TMEM40: variants seen among roughly 807,000 people sequenced by gnomAD.
TMEM40 encodes transmembrane protein 40.
Under a neutral mutation model 40.8 loss-of-function variants are expected in TMEM40, and 34 were observed. The observed-to-expected ratio is 0.83, with a 90% CI of 0.63 to 1.11. TMEM40 has a LOEUF of 1.11. Ranked by LOEUF, TMEM40 falls within the 50% of genes least tolerant of loss-of-function variation. The pLI is 0.00. For missense variants in TMEM40, 296 were observed against 280.2 expected (o/e 1.06, Z -0.40); for synonymous variants, 106 against 107.0 (o/e 0.99, Z 0.06).
chr3:12,736,953 A>G, intron 8 of TMEM40, 118 bp from the exon 9 acceptor site: 1 of 1,287,584 alleles, frequency 7.8e-7, no homozygotes, highest in African/African-American at 1.5e-5. Flanking sequence ...ATCCCAGCTC[A>G]TTGCAGCCTT....
chr3:12,733,863 T>A lies in TMEM40; in HGVS notation c.*911A>T, dbSNP rs926828928. On this transcript the variant is annotated 3_prime_UTR_variant, in exon 12 of 12. Transcript: ENST00000314124. Reference sequence around the variant, plus strand: ...TAGCCATTCCACATATTTCAAAACATGTTGTACACTACAAATACATGCAAT... The same window carrying A: ...TAGCCATTCCACATATTTCAAAACAAGTTGTACACTACAAATACATGCAAT... 3.3e-5 allele frequency: 5 copies of A among 152,072 alleles called. No homozygotes were observed. Among genetic ancestry groups the A allele is most frequent in the Non-Finnish European group, 4.4e-5 (3 of 68,022 alleles). 9.4% of individuals were successfully genotyped at this position (152,072 alleles called of 1,614,324 possible). A position where few individuals can be genotyped will look rare whatever the true frequency, so the allele number is the denominator to read the frequency against.
intron 1 of TMEM40, among the ~76,000 whole-genome samples, chr3:12,750,449 G>A (rs187784175): frequency 1.3e-5 from 2 of 152,300 alleles, no homozygotes; most frequent in African/African-American, 2.4e-5. Flanking sequence ...CAGGAAAGAA[G>A]TTTCTTTTAA....
intron 3 of TMEM40, among the ~76,000 whole-genome samples, chr3:12,745,058 A>T (rs1226350149): frequency 6.6e-6 from 1 of 152,076 alleles, no homozygotes; most frequent in Non-Finnish European, 1.5e-5. Context: ...TAAAGTAAAA[A>T]TTATTCCAAT....
chr3:12,762,873 T>C (rs1383417307), upstream of TMEM40, among the ~76,000 whole-genome samples: 1 of 151,962 alleles, frequency 6.6e-6, no homozygotes, highest in East Asian at 1.9e-4. Flanking sequence ...CACTTAAAGG[T>C]TTAAATGCAG....
intron 8 of TMEM40, 106 bp from the exon 9 acceptor site, chr3:12,736,941 C>T (rs973471513): frequency 1.1e-5 from 15 of 1,387,268 alleles, no homozygotes; most frequent in East Asian, 4.6e-5. Context: ...TGCAGTTGTG[C>T]GATCCCAGCT....
At chr3:12,762,687 G>A (rs910361291), upstream of TMEM40, among the ~76,000 whole-genome samples, 2 of 152,188 alleles carry the variant, frequency 1.3e-5, no homozygotes, top group Admixed American at 1.3e-4. Context: ...AGGAAAGGAG[G>A]TGGAACTAGA....
At chr3:12,756,033 A>G (rs1314079597) in intron 1 of TMEM40, among the ~76,000 whole-genome samples, 3 of 152,346 alleles carry the variant, frequency 2.0e-5, no homozygotes, top group African/African-American at 7.2e-5. Flanking sequence ...TAGCTGCATT[A>G]CCACATTGGA....
chr3:12,754,192 G>T (rs1229550259), intron 1 of TMEM40, among the ~76,000 whole-genome samples: 1 of 152,096 alleles, frequency 6.6e-6, no homozygotes, highest in Non-Finnish European at 1.5e-5. Flanking sequence ...GGCACCTGTA[G>T]TCCCAGCTAC....
At chr3:12,739,071 C>G (rs2061361441) in intron 5 of TMEM40, 1 of 160,320 alleles carries the variant, frequency 6.2e-6, no homozygotes, top group African/African-American at 2.4e-5. Flanking sequence ...GATAATCGCT[C>G]AAACCCAGGA....
chr3:12,737,775 G>T, intron 7 of TMEM40, 21 bp from the exon 8 acceptor site: 1 of 1,611,578 alleles, frequency 6.2e-7, no homozygotes. Flanking sequence ...AGAGAGAGAT[G>T]AATATTTAAC....
chr3:12,755,233 C>CTCTCTG (rs1553634013), intron 1 of TMEM40, among the ~76,000 whole-genome samples: 1 of 59,964 alleles, frequency 1.7e-5, no homozygotes, highest in African/African-American at 7.1e-5. Context: ...CTCTCTCTCT[C>CTCTCTG]TCTTTCTTTC....
At position 12,757,657 on chromosome 3, in the gene TMEM40, T is replaced by C. The variant is rs577971169; in HGVS notation, c.-9+1534A>G. Reference sequence around the variant, plus strand: ...CATTGCTGGTCAGATTGTAAAATGGTGGTCACTTTGGAAAACAGTTTGTCA... The same window carrying C: ...CATTGCTGGTCAGATTGTAAAATGGCGGTCACTTTGGAAAACAGTTTGTCA... On this transcript the variant is annotated intron_variant, in intron 1 of 11. Transcript: ENST00000314124. 8.9e-4 allele frequency among the ~76,000 whole-genome samples: 136 copies of C among 152,238 alleles called. 1 individual carries two copies. The Middle Eastern group carries it at 0.01, about 11-fold the overall frequency.
intron 10 of TMEM40, among the ~76,000 whole-genome samples, chr3:12,735,982 C>T (rs2061334624): frequency 6.6e-6 from 1 of 152,112 alleles, no homozygotes; most frequent in Admixed American, 6.6e-5. Flanking sequence ...TTGCCCCAAT[C>T]TCCTGAGTAA....
chr3:12,743,758 T>G, intron 4 of TMEM40, 142 bp downstream of exon 4: 1 of 724,504 alleles, frequency 1.4e-6, no homozygotes, highest in Non-Finnish European at 2.2e-6. Flanking sequence ...GTAGCATCCT[T>G]TATCTATTCT....
intron 3 of TMEM40, among the ~76,000 whole-genome samples, chr3:12,746,884 G>A (rs11923269): frequency 0.015 from 2,234 of 152,224 alleles, 61 homozygotes; most frequent in African/African-American, 0.049. Flanking sequence ...CAGAACCAGA[G>A]GACGGAACAC....
At chr3:12,763,859 A>C (rs991671833), upstream of TMEM40, among the ~76,000 whole-genome samples, 4 of 152,122 alleles carry the variant, frequency 2.6e-5, no homozygotes, top group African/African-American at 9.7e-5. Flanking sequence ...GGAGAAAAGA[A>C]TGTTTACCTA....
rs1400259723 is a variant in TMEM40, at chr3:12,736,885, T to C, written c.473-50A>G. 3 of 1,612,590 alleles carry C rather than the reference T, an allele frequency of 1.9e-6. No individual in the cohort carries two copies. The South Asian group carries it at 3.3e-5, about 18-fold the overall frequency. ...ACTATCTGCTGCTTTCTCTCTCTTT[T>C]TTTGGGCAGAGGAGACAAGGTCTTG... On this transcript the variant is annotated intron_variant, in intron 8 of 11. Transcript: ENST00000314124.
At chr3:12,741,569 TG>T (rs2061381611) in intron 5 of TMEM40, among the ~76,000 whole-genome samples, 1 of 152,104 alleles carries the variant, frequency 6.6e-6, no homozygotes, top group African/African-American at 2.4e-5. Flanking sequence ...CTCCAATGTC[TG>T]GGGGAAGGAA....
At position 12,748,765 on chromosome 3, in the gene TMEM40, T is replaced by C. The variant is rs1402221772; in HGVS notation, c.101A>G (p.Asp34Gly). The change falls in exon 3 of 12, where the codon GAT becomes GGT. Residue 34 changes from aspartate (D) to glycine (G), a missense_variant. Physicochemically the swap from Asp to Gly is moderately conservative, Grantham distance 94 (BLOSUM62 -1). Transcript: ENST00000314124. ...TTGGGAAAAGAGTCCAGCCTTCCCA[T>C]CTTGCTTGTGGAAATCTGTCTCTCC... The part of the protein sequence containing the change: ...DYGETDFHKQ[D>G]GKAGLFSQEQ... 4 of 1,613,990 alleles carry C rather than the reference T, an allele frequency of 2.5e-6. No individual in the cohort carries two copies. The African/African-American group carries it at 5.3e-5, about 22-fold the overall frequency.
Sources: gnomAD v4.1 joint callset for allele counts (sites outside exome capture counted in the v4.1 genomes callset) on GRCh38, gnomAD v4.1.1 for gene constraint, MANE v1.5 for transcripts, NCBI Gene and HGNC (gene_info 2026-07-23, HGNC 2026-07-21) for gene names.